Variants in VHL observed in about 807,000 individuals in gnomAD.
VHL encodes von Hippel-Lindau tumor suppressor, also known as von Hippel-Lindau disease tumor suppressor.
Under a neutral mutation model 19.2 loss-of-function variants are expected in VHL, and 10 were observed. The observed-to-expected ratio is 0.52, with a 90% CI of 0.32 to 0.89. The LOEUF is 0.89. Ranked by LOEUF, VHL falls within the 40% of genes least tolerant of loss-of-function variation. VHL has a pLI of 0.03. For synonymous variants in VHL, 167 were observed against 129.5 expected (o/e 1.29, Z -1.97); for missense variants, 328 against 292.7 (o/e 1.12, Z -0.88).
rs905412506 is a variant in VHL at position 10,151,316 on chromosome 3, G to C, written c.*1351G>C. 4.7e-6 allele frequency: 1 copy of C among 213,890 alleles called. No homozygotes were observed. Among genetic ancestry groups the C allele is most frequent in the Non-Finnish European group, 9.4e-6 (1 of 106,004 alleles). 13.2% of individuals were successfully genotyped at this position (213,890 alleles called of 1,614,324 possible). On this transcript the variant is annotated 3_prime_UTR_variant, in exon 3 of 3. Transcript: ENST00000256474. ...TACAAATTCTTATAGGCTAGACTTA[G>C]ATTCATTAACTCAAATTCAATGCTT...
At position 10,151,183 on chromosome 3, in the gene VHL, A is replaced by AT. The variant is rs1464639711; in HGVS notation, c.*1220dup. The AT allele has an allele frequency of 1.0e-5, 2 of 196,980 alleles. No homozygotes were observed. Among genetic ancestry groups the AT allele is most frequent in the Non-Finnish European group, 2.1e-5 (2 of 95,068 alleles). The allele number at this position is 196,980 out of a possible 1,614,324, so 12.2% of individuals were successfully genotyped here. A position where few individuals can be genotyped will look rare whatever the true frequency, so the allele number is the denominator to read the frequency against. ...GTGTGTGGGCCACCGTGCCTGGCTG[A>AT]TTCAGCATTTTTTATCAGGCAGGAC... is the stretch of plus-strand genomic sequence containing the variant. On this transcript the variant is annotated 3_prime_UTR_variant, in exon 3 of 3. Transcript: ENST00000256474.
Position 10,149,634 on chromosome 3 carries a change from C to G in VHL, c.464-153C>G, listed in dbSNP as rs112857191. ...TGAGGTGTCCATAGGGGGCCATCAG[C>G]ATAACACACTGCCACATACATGCAC... On this transcript the variant is annotated intron_variant, in intron 2 of 2. Transcript: ENST00000256474. Among the ~76,000 whole-genome samples, 2,285 of 152,300 alleles carry G rather than the reference C, an allele frequency of 0.015. 55 individuals are homozygous for G. The highest frequency in any genetic ancestry group is 0.052 in the African/African-American group (2,170 of 41,556).
rs2125124474 is a variant in VHL, at chr3:10,141,879, C to T, written c.32C>T (p.Ala11Val). The change falls in exon 1 of 3, where the codon GCC becomes GTC. Residue 11 changes from alanine to valine, a missense_variant. Physicochemically the swap from Ala to Val is moderately conservative, Grantham distance 64. Coordinates refer to ENST00000256474, the MANE Select transcript of VHL (RefSeq NM_000551.4). The stretch of plus-strand genomic sequence containing the variant: ...CGGAGGGCGGAGAACTGGGACGAGG[C>T]CGAGGTAGGCGCGGAGGAGGCAGGC... The part of the protein sequence containing the change: MPRRAENWDE[A>V]EVGAEEAGVE... 1 of 1,533,242 alleles carries T rather than the reference C, an allele frequency of 6.5e-7. No homozygotes were observed. 95.0% of individuals were successfully genotyped at this position (1,533,242 alleles called of 1,614,324 possible). A position where few individuals can be genotyped will look rare whatever the true frequency, so the allele number is the denominator to read the frequency against.
chr3:10,152,536 A>G lies in VHL; in HGVS notation c.*2571A>G, dbSNP rs886057741. Among the ~76,000 whole-genome samples, 3 of 107,458 alleles carry G rather than the reference A, an allele frequency of 2.8e-5. No individual in the cohort carries two copies. The highest frequency in any genetic ancestry group is 5.1e-5 in the Non-Finnish European group (3 of 59,322). The allele number at this position is 107,458 out of a possible 152,430, so 70.5% of individuals were successfully genotyped here. On this transcript the variant is annotated 3_prime_UTR_variant, in exon 3 of 3. Coordinates refer to ENST00000256474, the MANE Select transcript of VHL (RefSeq NM_000551.4). ...GAGATGGAGTCTCACTCTGTTGCCC[A>G]GGCTGGAGTGCAGTGGTGCGATCTC... is the stretch of plus-strand genomic sequence containing the variant.
At chr3:10,143,409 G>A (rs1696176803) in intron 1 of VHL, among the ~76,000 whole-genome samples, 1 of 152,126 alleles carries the variant, frequency 6.6e-6, no homozygotes, top group Non-Finnish European at 1.5e-5. Flanking sequence ...GATTACAGGT[G>A]TAAGCCACTG....
chr3:10,146,685 A>G (rs1201329979), intron 2 of VHL, 49 bp downstream of exon 2: 4 of 1,608,966 alleles, frequency 2.5e-6, no homozygotes, highest in Admixed American at 3.3e-5. Context: ...TGGTAAGTAC[A>G]GGATAGACCA....
At chr3:10,148,533 C>T (rs1373042860) in intron 2 of VHL, among the ~76,000 whole-genome samples, 2 of 151,598 alleles carry the variant, frequency 1.3e-5, no homozygotes, top group East Asian at 3.9e-4. Context: ...CCGGGATGGT[C>T]TCGATCTCCT....
intron 2 of VHL, among the ~76,000 whole-genome samples, chr3:10,148,021 A>C (rs1009145841): frequency 6.6e-6 from 1 of 151,884 alleles, no homozygotes; most frequent in Non-Finnish European, 1.5e-5. Context: ...CCTTGAGCCC[A>C]GGAGTTTGAG....
Position 10,151,723 on chromosome 3 carries a change from C to A in VHL, c.*1758C>A, listed in dbSNP as rs911280595. ...ATGTTTGTGGGTATTTCTTGGCATG[C>A]ATCTTTAATTCCTTATCCTAGCCTT... On this transcript the variant is annotated 3_prime_UTR_variant, in exon 3 of 3. Transcript: ENST00000256474. 2 of 206,998 alleles carry A rather than the reference C, an allele frequency of 9.7e-6. No individual in the cohort carries two copies. Among genetic ancestry groups the A allele is most frequent in the African/African-American group, 4.6e-5 (2 of 43,810 alleles). The allele number at this position is 206,998 out of a possible 1,614,324, so 12.8% of individuals were successfully genotyped here. A position where few individuals can be genotyped will look rare whatever the true frequency, so the allele number is the denominator to read the frequency against.
chr3:10,151,812 C>T lies in VHL; in HGVS notation c.*1847C>T, dbSNP rs1696417161. Reference sequence around the variant, plus strand: ...TGGCATGGTGGCTCCCGCCTGTAATCCCAGTACTTTGGAAAGCCAAGGTAA... The same window carrying T: ...TGGCATGGTGGCTCCCGCCTGTAATTCCAGTACTTTGGAAAGCCAAGGTAA... On this transcript the variant is annotated 3_prime_UTR_variant, in exon 3 of 3. Coordinates refer to ENST00000256474, the MANE Select transcript of VHL (RefSeq NM_000551.4). The T allele has an allele frequency of 5.0e-6, 1 of 200,280 alleles. No individual in the cohort carries two copies. The allele number at this position is 200,280 out of a possible 1,614,324, so 12.4% of individuals were successfully genotyped here.
In VHL at chr3:10,144,898, T is replaced by C. The variant is rs552151127; in HGVS notation, c.341-1616T>C. Among the ~76,000 whole-genome samples the C allele has an allele frequency of 2.0e-5, 3 of 152,292 alleles. No homozygotes were observed. The South Asian group carries it at 6.2e-4, about 32-fold the overall frequency. On this transcript the variant is annotated intron_variant, in intron 1 of 2. Coordinates refer to ENST00000256474, the MANE Select transcript of VHL (RefSeq NM_000551.4). ...TTAAAAAAAGAAAATAACATTACTT[T>C]TGAAGGTACTTAATGCACTGAATTG... is the stretch of plus-strand genomic sequence containing the variant.
rs2125131206 is a variant in VHL at position 10,150,351 on chromosome 3, A to G, written c.*386A>G. On this transcript the variant is annotated 3_prime_UTR_variant, in exon 3 of 3. Transcript: ENST00000256474. ...AATGGATGTATAATACATCCATTCTACATCCGTAGCGGTTGGTGACTTGTC... is the reference window on the plus strand; with the variant it reads ...AATGGATGTATAATACATCCATTCTGCATCCGTAGCGGTTGGTGACTTGTC... 8.1e-7 allele frequency: 1 copy of G among 1,237,282 alleles called. No homozygotes were observed. Among genetic ancestry groups the G allele is most frequent in the East Asian group, 3.7e-5 (1 of 27,062 alleles). The allele number at this position is 1,237,282 out of a possible 1,614,324, so 76.6% of individuals were successfully genotyped here.
At chr3:10,144,580 G>A (rs948339397) in intron 1 of VHL, among the ~76,000 whole-genome samples, 2 of 147,224 alleles carry the variant, frequency 1.4e-5, no homozygotes, top group East Asian at 2.0e-4. Context: ...GCATGATCAC[G>A]GCTCATTGCA....
chr3:10,151,583 A>G lies in VHL; in HGVS notation c.*1618A>G, dbSNP rs896766025. On this transcript the variant is annotated 3_prime_UTR_variant, in exon 3 of 3. Coordinates refer to ENST00000256474, the MANE Select transcript of VHL (RefSeq NM_000551.4). Reference sequence around the variant, plus strand: ...TTTGGTTGGTTTTTACATAGTTGAGATTGTACTGTTCATACAGTTTTATAC... The same window carrying G: ...TTTGGTTGGTTTTTACATAGTTGAGGTTGTACTGTTCATACAGTTTTATAC... 5 of 224,990 alleles carry G rather than the reference A, an allele frequency of 2.2e-5. No individual in the cohort carries two copies. The highest frequency in any genetic ancestry group is 1.1e-4 in the African/African-American group (5 of 44,920). 13.9% of individuals were successfully genotyped at this position (224,990 alleles called of 1,614,324 possible).
At chr3:10,146,771 C>G in intron 2 of VHL, 135 bp downstream of exon 2, 2 of 1,160,000 alleles carry the variant, frequency 1.7e-6, no homozygotes, top group South Asian at 1.2e-5. Context: ...ATCCTATTCT[C>G]TACCATAAAT....
In VHL at chr3:10,151,718, G is replaced by A. The variant is rs954509014; in HGVS notation, c.*1753G>A. Reference sequence around the variant, plus strand: ...AATTAATGTTTGTGGGTATTTCTTGGCATGCATCTTTAATTCCTTATCCTA... The same window carrying A: ...AATTAATGTTTGTGGGTATTTCTTGACATGCATCTTTAATTCCTTATCCTA... On this transcript the variant is annotated 3_prime_UTR_variant, in exon 3 of 3. Coordinates refer to ENST00000256474, the MANE Select transcript of VHL (RefSeq NM_000551.4). 1 of 207,410 alleles carries A rather than the reference G, an allele frequency of 4.8e-6. No individual in the cohort carries two copies. Among genetic ancestry groups the A allele is most frequent in the Non-Finnish European group, 9.8e-6 (1 of 102,044 alleles). 12.8% of individuals were successfully genotyped at this position (207,410 alleles called of 1,614,324 possible).
chr3:10,147,068 G>A (rs1239091668), intron 2 of VHL, among the ~76,000 whole-genome samples: 1 of 152,184 alleles, frequency 6.6e-6, no homozygotes, highest in Non-Finnish European at 1.5e-5. Flanking sequence ...CTGGAGTGCA[G>A]TGGCGCAATC....
At position 10,153,611 on chromosome 3, in the gene VHL, T is replaced by TG. The variant is rs1696475479; in HGVS notation, c.*3646_*3647insG. On this transcript the variant is annotated 3_prime_UTR_variant, in exon 3 of 3. Transcript: ENST00000256474. ...AAGTTCCTATTTCAAGTTTTTTTTT[T>TG]TTTTTTTTTTTTTAAAGCTGTTTTT... Among the ~76,000 whole-genome samples the TG allele has an allele frequency of 3.4e-5, 5 of 147,108 alleles. No individual in the cohort carries two copies. The highest frequency in any genetic ancestry group is 1.4e-4 in the African/African-American group (5 of 36,716).
At position 10,149,936 on chromosome 3, in the gene VHL, C is replaced by G. The variant is rs199926195; in HGVS notation, c.613C>G (p.Arg205Gly). 1 of 1,614,098 alleles carries G rather than the reference C, an allele frequency of 6.2e-7. No individual in the cohort carries two copies. Among genetic ancestry groups the G allele is most frequent in the Non-Finnish European group, 8.5e-7 (1 of 1,180,006 alleles). The change falls in exon 3 of 3, where the codon CGC (arginine) becomes GGC (glycine). Residue 205 changes from arginine to glycine, a missense_variant. Coordinates refer to ENST00000256474, the MANE Select transcript of VHL (RefSeq NM_000551.4). ...AGACCTGGAGCGGCTGACACAGGAG[C>G]GCATTGCACATCAACGGATGGGAGA... ...QKDLERLTQE[R>G]IAHQRMGD
Sources: allele counts gnomAD v4.1 joint callset (sites outside exome capture counted in the v4.1 genomes callset), GRCh38; gene constraint gnomAD v4.1.1; transcripts MANE v1.5; gene names NCBI Gene and HGNC (gene_info 2026-07-23, HGNC 2026-07-21).